The following ACYP2 variants were observed in gnomAD, a reference collection of about 807,000 sequenced individuals.
ACYP2 encodes acylphosphatase-2.
A neutral mutation model predicts 11.2 loss-of-function variants in ACYP2; 12 were observed. That is an observed-to-expected ratio of 1.08 (90% CI 0.69 to 1.74). The LOEUF is 1.74. Ranked by LOEUF, ACYP2 falls within the 40% of genes most tolerant of loss-of-function variation. The pLI is 0.00. For synonymous variants in ACYP2, 43 were observed against 32.2 expected (o/e 1.33, Z -1.13); for missense variants, 134 against 101.9 (o/e 1.31, Z -1.35).
At chr2:54,143,764 G>GT (rs1313270722) in intron 6 of ACYP2, among the ~76,000 whole-genome samples, 2 of 127,230 alleles carry the variant, frequency 1.6e-5, no homozygotes, top group Non-Finnish European at 3.3e-5. Flanking sequence ...TTTTGGGGGG[G>GT]GGGTATTCTA....
chr2:54,153,663 G>T (rs1221092474), intron 6 of ACYP2, among the ~76,000 whole-genome samples: 1 of 149,394 alleles, frequency 6.7e-6, no homozygotes, highest in Non-Finnish European at 1.5e-5. Flanking sequence ...GCAGTGGCGT[G>T]ATCTCGGCTC....
In ACYP2 at chr2:54,115,604, C is replaced by A. The variant is rs1369140564; in HGVS notation, c.278-19849C>A. 1 of 1,551,412 alleles carries A rather than the reference C, an allele frequency of 6.4e-7. No homozygotes were observed. Among genetic ancestry groups the A allele is most frequent in the Non-Finnish European group, 8.7e-7 (1 of 1,147,982 alleles). ...GACCGGTGACAGGCGCGGGGTGCGC[C>A]AAGCAGTCCCATGTGTCCCCTCCCT... On this transcript the variant is annotated intron_variant, in intron 4 of 6. Transcript: ENST00000607452.
chr2:54,198,896 C>T (rs1429351781), intron 6 of ACYP2, among the ~76,000 whole-genome samples: 1 of 152,126 alleles, frequency 6.6e-6, no homozygotes, highest in Non-Finnish European at 1.5e-5. Context: ...TCGTTCCGTG[C>T]CCATTCTACC....
intron 4 of ACYP2, among the ~76,000 whole-genome samples, chr2:54,081,058 G>C (rs1420934282): frequency 6.6e-6 from 1 of 152,140 alleles, no homozygotes; most frequent in Admixed American, 6.5e-5. Context: ...AAATTTTCTT[G>C]AGCAAAAATA....
chr2:54,017,947 TC>T (rs1417852915), intron 2 of ACYP2, among the ~76,000 whole-genome samples: 9 of 152,136 alleles, frequency 5.9e-5, no homozygotes, highest in Non-Finnish European at 1.2e-4. Context: ...TGATCCTGCC[TC>T]CTTGGCCTCC....
chr2:54,233,563 C>T (rs1305673133), intron 6 of ACYP2, among the ~76,000 whole-genome samples: 1 of 152,078 alleles, frequency 6.6e-6, no homozygotes. Context: ...ACCTTGGCCT[C>T]CCAAAGTGCT....
chr2:54,148,181 T>A (rs1280546963), intron 6 of ACYP2, among the ~76,000 whole-genome samples: 1 of 152,062 alleles, frequency 6.6e-6, no homozygotes, highest in African/African-American at 2.4e-5. Context: ...TTCCATTGGC[T>A]CAAATAGGGT....
chr2:54,114,704 C>A lies in ACYP2; in HGVS notation c.278-20749C>A, dbSNP rs183646141. Among the ~76,000 whole-genome samples the A allele has an allele frequency of 6.6e-5, 10 of 152,222 alleles. No homozygotes were observed. The East Asian group carries it at 1.7e-3, about 26-fold the overall frequency. On this transcript the variant is annotated intron_variant, in intron 4 of 6. Coordinates refer to ENST00000607452, the MANE Select transcript of ACYP2 (RefSeq NM_001320586.2). ...CGTCTCAAAACAACAGCAACAAACCCACACCAAAAAAACTGTATGAACAGC... is the reference window on the plus strand; with the variant it reads ...CGTCTCAAAACAACAGCAACAAACCAACACCAAAAAAACTGTATGAACAGC...
At chr2:54,288,441 T>C (rs1451653057) in intron 6 of ACYP2, among the ~76,000 whole-genome samples, 1 of 152,028 alleles carries the variant, frequency 6.6e-6, no homozygotes, top group Non-Finnish European at 1.5e-5. Context: ...AAAAGGATAC[T>C]ATCATTATGT....
chr2:54,121,088 T>G (rs1680129484), intron 4 of ACYP2, among the ~76,000 whole-genome samples: 1 of 152,168 alleles, frequency 6.6e-6, no homozygotes, highest in African/African-American at 2.4e-5. Flanking sequence ...GCACCTGCCA[T>G]TCGCTCTTGT....
intron 2 of ACYP2, among the ~76,000 whole-genome samples, chr2:54,004,697 A>G (rs528774106): frequency 2.6e-5 from 4 of 152,000 alleles, no homozygotes; most frequent in Admixed American, 6.6e-5. Flanking sequence ...GGTGTGAGCC[A>G]CCGCGCTCAG....
chr2:53,975,034 G>A (rs1250984400), intron 2 of ACYP2, among the ~76,000 whole-genome samples: 1 of 152,144 alleles, frequency 6.6e-6, no homozygotes, highest in African/African-American at 2.4e-5. Flanking sequence ...AGACCAGCCT[G>A]GCCAATATGG....
chr2:54,006,305 G>A (rs376084921), intron 2 of ACYP2, among the ~76,000 whole-genome samples: 2 of 152,018 alleles, frequency 1.3e-5, no homozygotes, highest in African/African-American at 2.4e-5. Flanking sequence ...CTGCTACCAC[G>A]CCCGGCTAAT....
At chr2:53,995,539 T>A (rs1243092631) in intron 2 of ACYP2, among the ~76,000 whole-genome samples, 3 of 150,358 alleles carry the variant, frequency 2.0e-5, no homozygotes, top group Non-Finnish European at 4.4e-5. Flanking sequence ...AGTCTCTTTC[T>A]GTTGCCCAGG....
At chr2:54,052,967 T>C (rs891638883) in intron 3 of ACYP2, among the ~76,000 whole-genome samples, 2 of 152,238 alleles carry the variant, frequency 1.3e-5, no homozygotes, top group African/African-American at 4.8e-5. Context: ...TATTAAAACA[T>C]ATCTGGGCCC....
At chr2:53,977,324 C>T (rs866984800) in intron 2 of ACYP2, among the ~76,000 whole-genome samples, 14 of 152,166 alleles carry the variant, frequency 9.2e-5, no homozygotes, top group South Asian at 4.1e-4. Context: ...GAATTACAGG[C>T]GTGAGCCGCC....
At chr2:54,261,942 A>G (rs1013960055) in intron 6 of ACYP2, among the ~76,000 whole-genome samples, 1 of 152,240 alleles carries the variant, frequency 6.6e-6, no homozygotes, top group Admixed American at 6.5e-5. Flanking sequence ...AGTCGTCTTT[A>G]TTGTATATAA....
chr2:54,245,013 C>T (rs940021192), intron 6 of ACYP2, among the ~76,000 whole-genome samples: 1 of 152,126 alleles, frequency 6.6e-6, no homozygotes, highest in Non-Finnish European at 1.5e-5. Context: ...TGTCCTTTAA[C>T]GTATCTCACC....
intron 6 of ACYP2, among the ~76,000 whole-genome samples, chr2:54,144,834 A>C (rs188686798): frequency 6.3e-4 from 96 of 152,230 alleles, no homozygotes; most frequent in African/African-American, 2.2e-3. Flanking sequence ...TTTTAGATTT[A>C]TTGATTATAA....
Sources: allele counts gnomAD v4.1 joint callset (sites outside exome capture counted in the v4.1 genomes callset), GRCh38; gene constraint gnomAD v4.1.1; transcripts MANE v1.5; gene names NCBI Gene and HGNC (gene_info 2026-07-23, HGNC 2026-07-21).